Variants in MED12 observed in about 807,000 individuals in gnomAD.
MED12 encodes the protein mediator complex subunit 12.
MED12 carries 10 observed loss-of-function variants against 177.7 expected under a neutral mutation model. That is an observed-to-expected ratio of 0.06 (90% CI 0.03 to 0.10). The LOEUF (loss-of-function observed/expected upper bound fraction) is 0.10, where lower values mean the gene tolerates loss of function less well. MED12 is among the 10% of genes least tolerant of loss of function. The pLI, the probability that MED12 is intolerant of heterozygous loss-of-function variation, is 1.00. For missense variants in MED12, 867 were observed against 1,780.8 expected (o/e 0.49, Z 9.23); for synonymous variants, 641 against 678.4 (o/e 0.94, Z 0.86).
chrX:71,129,747 G>A lies in MED12; in HGVS notation c.3759G>A (p.Glu1253=). ...TGGTEELPEE[E]GGGGSGGRRQ... is the part of the protein sequence containing the mutation. ...GAACAGAAGAACTTCCAGAGGAGGAGGGAGGAGGTGGCAGTGGTGGTCGGA... is the reference window on the plus strand; with the variant it reads ...GAACAGAAGAACTTCCAGAGGAGGAAGGAGGAGGTGGCAGTGGTGGTCGGA... Residue 1253 remains glutamate (E), a synonymous_variant, in exon 27 of 45, where the codon GAG becomes GAA. Coordinates refer to ENST00000374080, the MANE Select transcript of MED12 (RefSeq NM_005120.3). The A allele has an allele frequency of 8.3e-7, 1 of 1,206,486 alleles. No individual in the cohort carries two copies. The highest frequency in any genetic ancestry group is 1.1e-6 in the Non-Finnish European group (1 of 892,712).
At chrX:71,120,682 C>T (rs1349335218) in intron 4 of MED12, among the ~76,000 whole-genome samples, 7 of 109,877 alleles carry the variant, frequency 6.4e-5, no homozygotes, top group Non-Finnish European at 3.8e-5. Context: ...AGGATCTTGG[C>T]TTACTGCAAC....
In MED12 at chrX:71,135,168, A is replaced by C; in HGVS notation, c.4940A>C (p.Asp1647Ala). ...QLLPLPKQTR[D>A]VITCEPQGSL... ...CTGCCACTGCCCAAGCAGACCCGAG[A>C]TGTCATCACGTGTGAGCCACAGGGC... The change falls in exon 36 of 45, where the codon GAT becomes GCT. Residue 1647 changes from aspartate to alanine, a missense_variant. Physicochemically the swap from Asp to Ala is moderately radical, Grantham distance 126. Transcript: ENST00000374080. 1 of 1,211,448 alleles carries C rather than the reference A, an allele frequency of 8.3e-7. No homozygotes were observed. The highest frequency in any genetic ancestry group is 1.1e-6 in the Non-Finnish European group (1 of 895,378).
At chrX:71,128,885 T>C (rs1364277947) in intron 24 of MED12, 167 bp downstream of exon 24, 1 of 671,429 alleles carries the variant, frequency 1.5e-6, no homozygotes, top group Non-Finnish European at 2.3e-6. Flanking sequence ...ACCTGTTTTT[T>C]AGCCCTGGAT....
At chrX:71,134,283 A>G in intron 33 of MED12, 74 bp from the exon 34 acceptor site, 1 of 572,201 alleles carries the variant, frequency 1.7e-6, no homozygotes, top group South Asian at 2.5e-5. Context: ...CCCAACTCAG[A>G]TTGGAACTAA....
intron 26 of MED12, 52 bp downstream of exon 26, chrX:71,129,481 C>T: frequency 1.0e-6 from 1 of 991,771 alleles, no homozygotes; most frequent in East Asian, 3.1e-5. Flanking sequence ...GGTGGAGTGC[C>T]AGCTAAACTA....
Position 71,121,342 on chromosome X carries a change from A to C in MED12, c.751A>C (p.Arg251=), listed in dbSNP as rs753413601. The C allele has an allele frequency of 9.9e-6, 12 of 1,211,930 alleles. No homozygotes were observed. The South Asian group carries it at 1.9e-4, about 19-fold the overall frequency. ...GTACCCATAGGATGGAATGCTGGAC[A>C]GACATGAGTTCCTGACCTGGGTGCT... ...MFMFQDGMLD[R]HEFLTWVLEC... Residue 251 remains arginine (R), a synonymous_variant, in exon 6 of 45, where the codon AGA becomes CGA. Coordinates refer to ENST00000374080, the MANE Select transcript of MED12 (RefSeq NM_005120.3).
rs760845015 is a variant in MED12 at position 71,120,955 on chromosome X, T to A, written c.554-16T>A. 89 of 1,208,427 alleles carry A rather than the reference T, an allele frequency of 7.4e-5. No homozygotes were observed. The South Asian group carries it at 1.5e-3, about 21-fold the overall frequency. The stretch of plus-strand genomic sequence containing the variant: ...AAGGATAGTATCAAATAGCCCTTTT[T>A]CCCTCTTTCCTCCAGAATGGACTCA... On this transcript the variant is annotated splice_polypyrimidine_tract_variant and intron_variant, in intron 4 of 44. Coordinates refer to ENST00000374080, the MANE Select transcript of MED12 (RefSeq NM_005120.3).
chrX:71,125,058 C>T lies in MED12; in HGVS notation c.2138C>T (p.Pro713Leu). 8.3e-7 allele frequency: 1 copy of T among 1,210,984 alleles called. No individual in the cohort carries two copies. Among genetic ancestry groups the T allele is most frequent in the East Asian group, 3.0e-5 (1 of 33,815 alleles). The change falls in exon 15 of 45, where the codon CCA (proline) becomes CTA (leucine). Residue 713 changes from proline to leucine, a missense_variant. By Grantham distance (98) the Pro-to-Leu change is moderately conservative (BLOSUM62 -3). Transcript: ENST00000374080. ...GATGTCGAGAAGGAGGTGAAGCCCC[C>T]ACCCAAGGAGAAGATTGAAGGGACC... The part of the protein sequence containing the change: ...KPDVEKEVKP[P>L]PKEKIEGTLG...
rs763867883 is a variant in MED12, at chrX:71,121,781, C to T, written c.1066C>T (p.Arg356Trp). The T allele has an allele frequency of 8.3e-7, 1 of 1,211,891 alleles. No homozygotes were observed. Among genetic ancestry groups the T allele is most frequent in the Non-Finnish European group, 1.1e-6 (1 of 895,513 alleles). The part of the protein sequence containing the change: ...FSDLLMCPQH[R>W]PLVFGLSCIL... The stretch of plus-strand genomic sequence containing the variant: ...TGACCTGCTTATGTGCCCTCAGCAC[C>T]GGCCCCTGGTTTTTGGCCTCAGCTG... The change falls in exon 7 of 45, where the codon CGG becomes TGG. Residue 356 changes from arginine (R) to tryptophan (W), a missense_variant. Transcript: ENST00000374080.
chrX:71,138,747 C>A (rs1328423006), intron 41 of MED12, among the ~76,000 whole-genome samples: 2 of 107,020 alleles, frequency 1.9e-5, no homozygotes, highest in Non-Finnish European at 3.9e-5. Context: ...AGAGTGAGAC[C>A]CTGTCTCAAA....
Position 71,140,745 on chromosome X carries a change from A to G in MED12, c.6155A>G (p.Gln2052Arg), listed in dbSNP as rs780750191. Residue 2052 changes from glutamine to arginine, a missense_variant, in exon 42 of 45, where the codon CAG (glutamine) becomes CGG (arginine). By Grantham distance (43) the Gln-to-Arg change is conservative (BLOSUM62 1). Coordinates refer to ENST00000374080, the MANE Select transcript of MED12 (RefSeq NM_005120.3). ...VRSTAILPEQ[Q>R]QQQQQQQQQQ... ...TCAACAGCCATCCTACCTGAGCAGC[A>G]GCAGCAGCAGCAACAGCAGCAACAG... is the stretch of plus-strand genomic sequence containing the variant. The G allele has an allele frequency of 8.3e-7, 1 of 1,211,210 alleles. No individual in the cohort carries two copies. The highest frequency in any genetic ancestry group is 2.2e-5 in the Admixed American group (1 of 45,956).
chrX:71,128,580 G>C lies in MED12; in HGVS notation c.3355-18G>C. 1 of 1,210,937 alleles carries C rather than the reference G, an allele frequency of 8.3e-7. No individual in the cohort carries two copies. The highest frequency in any genetic ancestry group is 1.1e-6 in the Non-Finnish European group (1 of 895,419). On this transcript the variant is annotated intron_variant, in intron 23 of 44. Coordinates refer to ENST00000374080, the MANE Select transcript of MED12 (RefSeq NM_005120.3). ...GCCTCCACACTGAGTCATGGTGTCT[G>C]TCTGTTTTTTCCTCCAGGTCAGTGA...
rs996284848 is a variant in MED12, at chrX:71,137,927, C to A, written c.6028C>A (p.Leu2010Met). ...GCAGGCCCCCACCTATGGACATGGA[C>A]TGACCTCCACTCAAAGGTACCCAAA... ...HQQAPTYGHG[L>M]TSTQRFSHQT... The change falls in exon 41 of 45, where the codon CTG becomes ATG. Residue 2010 changes from leucine to methionine, a missense_variant. Around this residue, in one of 14 missense-constraint regions of MED12, gnomAD observed 236 missense variants for 345.2 expected, o/e 0.68. Transcript: ENST00000374080. 1 of 1,209,226 alleles carries A rather than the reference C, an allele frequency of 8.3e-7. No homozygotes were observed. The highest frequency in any genetic ancestry group is 1.8e-5 in the African/African-American group (1 of 57,105).
In MED12 at chrX:71,124,042, A is replaced by G. The variant is rs760007674; in HGVS notation, c.1745-117A>G. 92 of 655,128 alleles carry G rather than the reference A, an allele frequency of 1.4e-4. 2 individuals carry two copies. In the South Asian group the frequency reaches 2.1e-3, roughly 15 times the overall value. The allele number at this position is 655,128 out of a possible 1,213,427, so 54.0% of individuals were successfully genotyped here. On this transcript the variant is annotated intron_variant, in intron 12 of 44. Transcript: ENST00000374080. Reference sequence around the variant, plus strand: ...GTAACCAACCACACTTTGTCCCTCAACAATTTCTGGGATTTCTATTTGATC... The same window carrying G: ...GTAACCAACCACACTTTGTCCCTCAGCAATTTCTGGGATTTCTATTTGATC...
At chrX:71,129,010 C>T in intron 24 of MED12, 104 bp from the exon 25 acceptor site, 1 of 660,119 alleles carries the variant, frequency 1.5e-6, no homozygotes, top group Non-Finnish European at 2.5e-6. Context: ...CATCTTCTCT[C>T]CCATGCCCCT....
intron 36 of MED12, among the ~76,000 whole-genome samples, 187 bp from the exon 37 acceptor site, chrX:71,136,094 C>T (rs758179349): frequency 3.4e-4 from 37 of 109,462 alleles, no homozygotes; most frequent in Admixed American, 1.5e-3. Context: ...CTCCCTGTGC[C>T]CCACCCTTCA....
Position 71,137,404 on chromosome X carries a change from A to G in MED12, c.5748+21A>G. On this transcript the variant is annotated intron_variant, in intron 39 of 44. Coordinates refer to ENST00000374080, the MANE Select transcript of MED12 (RefSeq NM_005120.3). ...TCCAGGCAAAGATAGTGAGAGGGGC[A>G]GTAGGGAGGGCTGTCAGGGAGAGGG... is the stretch of plus-strand genomic sequence containing the variant. 4 of 1,207,171 alleles carry G rather than the reference A, an allele frequency of 3.3e-6. No homozygotes were observed. The Middle Eastern group carries it at 6.9e-4, about 209-fold the overall frequency.
Position 71,127,984 on chromosome X carries a change from A to G in MED12, c.3073A>G (p.Thr1025Ala). The change falls in exon 22 of 45, where the codon ACT becomes GCT. Residue 1025 changes from threonine to alanine, a missense_variant. Physicochemically the swap from Thr to Ala is moderately conservative, Grantham distance 58. Coordinates refer to ENST00000374080, the MANE Select transcript of MED12 (RefSeq NM_005120.3). The part of the protein sequence containing the change: ...MRWAPEFMID[T>A]LENPAAHTFT... ...CTGGGCACCTGAGTTCATGATCGACACTCTAGAGAACCCTGCAGCTCACAC... is the reference window on the plus strand; with the variant it reads ...CTGGGCACCTGAGTTCATGATCGACGCTCTAGAGAACCCTGCAGCTCACAC... 1.7e-6 allele frequency: 2 copies of G among 1,210,168 alleles called. No individual in the cohort carries two copies. Among genetic ancestry groups the G allele is most frequent in the African/African-American group, 1.7e-5 (1 of 57,482 alleles).
At chrX:71,127,590 G>A (rs2092306471) in intron 21 of MED12, 123 bp downstream of exon 21, 1 of 620,702 alleles carries the variant, frequency 1.6e-6, no homozygotes, top group South Asian at 2.5e-5. Flanking sequence ...TTTGTGGACT[G>A]TGTCCTCCAC....
Sources: allele counts gnomAD v4.1 joint callset (sites outside exome capture counted in the v4.1 genomes callset), GRCh38; gene constraint gnomAD v4.1.1; regional missense constraint gnomAD v4.1.1; transcripts MANE v1.5; gene names NCBI Gene and HGNC (gene_info 2026-07-23, HGNC 2026-07-21).